Variants in NKAIN2 observed in about 807,000 individuals in gnomAD.
NKAIN2 encodes the protein sodium/potassium-transporting ATPase subunit beta-1-interacting protein 2.
In NKAIN2, 14 loss-of-function variants were observed where a neutral mutation model predicts 32.6. The observed-to-expected ratio is 0.43, with a 90% CI of 0.28 to 0.67. The LOEUF (loss-of-function observed/expected upper bound fraction) is 0.67, where lower values mean the gene tolerates loss of function less well. NKAIN2 is among the 30% of genes least tolerant of loss of function. The pLI, the probability that NKAIN2 is intolerant of heterozygous loss-of-function variation, is 0.17. For missense variants in NKAIN2, 198 were observed against 258.3 expected, an observed-to-expected ratio of 0.77 and a Z score of 1.60; for synonymous variants, 80 against 87.2, an observed-to-expected ratio of 0.92 and a Z score of 0.46.
chr6:124,602,292 C>T (rs1413116871), intron 3 of NKAIN2, among the ~76,000 whole-genome samples: 1 of 151,850 alleles, frequency 6.6e-6, no homozygotes, highest in African/African-American at 2.4e-5. Flanking sequence ...AGTGTGAAGA[C>T]TAACTCATCT....
chr6:123,890,369 G>A (rs1239105154), intron 1 of NKAIN2, among the ~76,000 whole-genome samples: 13 of 151,844 alleles, frequency 8.6e-5, no homozygotes, highest in Admixed American at 8.5e-4. Flanking sequence ...AAGGAAAAAA[G>A]GACATCTTTC....
chr6:124,009,431 G>T (rs907552233), intron 1 of NKAIN2, among the ~76,000 whole-genome samples: 7 of 152,122 alleles, frequency 4.6e-5, no homozygotes, highest in African/African-American at 1.7e-4. Context: ...TTTATTGCTT[G>T]CCCTACCAAG....
In NKAIN2 at chr6:124,190,004, T is replaced by C. The variant is rs140748899; in HGVS notation, c.55-93001T>C. ...AGGGCAGATTTCCTAAAAGCAGCAA[T>C]TAATGTGAAGTGTTTTAACTATTGC... On this transcript the variant is annotated intron_variant, in intron 1 of 6. Transcript: ENST00000368417. Among the ~76,000 whole-genome samples the C allele has an allele frequency of 9.0e-3, 1,367 of 152,320 alleles. 18 individuals are homozygous for C. Among genetic ancestry groups the C allele is most frequent in the African/African-American group, 0.031 (1,296 of 41,574 alleles).
At chr6:124,118,201 C>A (rs775125231) in intron 1 of NKAIN2, among the ~76,000 whole-genome samples, 3 of 152,056 alleles carry the variant, frequency 2.0e-5, no homozygotes, top group Non-Finnish European at 2.9e-5. Context: ...AACTGATACT[C>A]TCATTTATTT....
intron 1 of NKAIN2, among the ~76,000 whole-genome samples, chr6:124,271,913 T>C (rs1794811540): frequency 6.6e-6 from 1 of 152,070 alleles, no homozygotes; most frequent in Admixed American, 6.5e-5. Flanking sequence ...AATTTGAACT[T>C]GAGAGAGATG....
At chr6:124,129,145 C>G (rs1786329541) in intron 1 of NKAIN2, among the ~76,000 whole-genome samples, 2 of 152,226 alleles carry the variant, frequency 1.3e-5, no homozygotes, top group Non-Finnish European at 1.5e-5. Context: ...GATTCTTTCA[C>G]TGAAAGACAT....
chr6:124,156,226 A>G (rs1787981081), intron 1 of NKAIN2, among the ~76,000 whole-genome samples: 2 of 152,174 alleles, frequency 1.3e-5, no homozygotes, highest in Non-Finnish European at 1.5e-5. Flanking sequence ...AAGGGAGAGC[A>G]GTAAGTGGAA....
At chr6:124,713,645 A>T (rs1226763498) in intron 4 of NKAIN2, among the ~76,000 whole-genome samples, 1 of 152,200 alleles carries the variant, frequency 6.6e-6, no homozygotes, top group Non-Finnish European at 1.5e-5. Flanking sequence ...GTGCATAAAA[A>T]ATCAGAGCTT....
intron 3 of NKAIN2, among the ~76,000 whole-genome samples, chr6:124,551,876 G>T (rs1780300114): frequency 6.6e-6 from 1 of 152,120 alleles, no homozygotes; most frequent in African/African-American, 2.4e-5. Context: ...GACATGTTTG[G>T]TCACCTTTGA....
At chr6:124,413,419 G>T (rs777729151) in intron 3 of NKAIN2, among the ~76,000 whole-genome samples, 2 of 151,966 alleles carry the variant, frequency 1.3e-5, no homozygotes, top group Non-Finnish European at 2.9e-5. Context: ...TGATCTCACT[G>T]ATATATCTTT....
intron 1 of NKAIN2, among the ~76,000 whole-genome samples, chr6:123,870,358 ATTC>A (rs1215228469): frequency 6.6e-6 from 1 of 152,108 alleles, no homozygotes. Flanking sequence ...GGTCAGAGAA[ATTC>A]TTCTAAGATG....
intron 2 of NKAIN2, among the ~76,000 whole-genome samples, chr6:124,333,907 C>T (rs1359666857): frequency 6.6e-6 from 1 of 152,010 alleles, no homozygotes; most frequent in African/African-American, 2.4e-5. Context: ...AAAGTCATAG[C>T]CAAAATATGC....
At chr6:124,387,889 A>G (rs1325515032) in intron 3 of NKAIN2, among the ~76,000 whole-genome samples, 1 of 152,116 alleles carries the variant, frequency 6.6e-6, no homozygotes, top group Admixed American at 6.6e-5. Context: ...AGGCAAATGG[A>G]AACAGCACTG....
intron 3 of NKAIN2, among the ~76,000 whole-genome samples, chr6:124,485,834 A>G (rs562324078): frequency 1.4e-4 from 21 of 152,240 alleles, no homozygotes; most frequent in African/African-American, 4.8e-4. Flanking sequence ...TTTCCCTTCC[A>G]TGGTCTGGTG....
chr6:123,823,116 T>C (rs1207353840), intron 1 of NKAIN2: 1 of 152,164 alleles, frequency 6.6e-6, no homozygotes, highest in Non-Finnish European at 1.5e-5. Context: ...TTCGGAAATA[T>C]CAGGTTTTAA....
chr6:124,208,403 G>A (rs997135522), intron 1 of NKAIN2, among the ~76,000 whole-genome samples: 11 of 151,634 alleles, frequency 7.3e-5, no homozygotes, highest in Non-Finnish European at 1.5e-4. Context: ...TCGGTAGAAA[G>A]CTAGATTTTC....
At chr6:124,334,518 T>A (rs6569381) in intron 2 of NKAIN2, among the ~76,000 whole-genome samples, 1 of 151,902 alleles carries the variant, frequency 6.6e-6, no homozygotes, top group African/African-American at 2.4e-5. Context: ...GGTCAGGCTG[T>A]AGCTGTCATT....
intron 1 of NKAIN2, among the ~76,000 whole-genome samples, chr6:123,828,388 AGT>A (rs10531072): frequency 0.29 from 44,726 of 151,974 alleles, 8,789 homozygotes; most frequent in East Asian, 0.55. Context: ...TTATATGTGA[AGT>A]GTGATACTCA....
intron 3 of NKAIN2, among the ~76,000 whole-genome samples, chr6:124,633,502 T>C (rs988130767): frequency 1.3e-5 from 2 of 152,198 alleles, no homozygotes; most frequent in African/African-American, 4.8e-5. Flanking sequence ...AACTAAAAAG[T>C]GACCATGAAA....
Sources: allele counts gnomAD v4.1 joint callset (sites outside exome capture counted in the v4.1 genomes callset), GRCh38; gene constraint gnomAD v4.1.1; transcripts MANE v1.5; gene names NCBI Gene and HGNC (gene_info 2026-07-23, HGNC 2026-07-21).